UBE2R2: variants seen among roughly 807,000 people sequenced by gnomAD.
UBE2R2 encodes the protein ubiquitin-conjugating enzyme E2 R2.
Under a neutral mutation model 27.8 loss-of-function variants are expected in UBE2R2, and 1 was observed. The ratio of observed to expected loss-of-function variants is 0.04; its 90% CI spans 0.01 to 0.17. The LOEUF (loss-of-function observed/expected upper bound fraction) is 0.17, where lower values mean the gene tolerates loss of function less well. UBE2R2 is among the 10% of genes least tolerant of loss of function. The probability of loss-of-function intolerance (pLI) is 1.00; values close to 1 mark genes in which losing one functional copy is unlikely to be tolerated. For missense variants in UBE2R2, 100 were observed against 291.0 expected (o/e 0.34, Z 4.78); for synonymous variants, 106 against 113.3 (o/e 0.94, Z 0.41).
intron 4 of UBE2R2, among the ~76,000 whole-genome samples, chr9:33,915,202 T>C (rs1050674158): frequency 2.0e-5 from 3 of 151,526 alleles, no homozygotes; most frequent in Admixed American, 6.6e-5. Context: ...GTAATGGGGA[T>C]GAGGGGACAG....
intron 1 of UBE2R2, among the ~76,000 whole-genome samples, chr9:33,819,469 TA>T (rs999635865): frequency 1.3e-5 from 2 of 152,240 alleles, no homozygotes; most frequent in African/African-American, 4.8e-5. Flanking sequence ...CAGCCTACCC[TA>T]TACTTTTCAG....
At chr9:33,835,355 C>T (rs1164420623) in intron 1 of UBE2R2, among the ~76,000 whole-genome samples, 1 of 151,906 alleles carries the variant, frequency 6.6e-6, no homozygotes, top group African/African-American at 2.4e-5. Flanking sequence ...TCATATTGGT[C>T]AGGCTGGTCT....
intron 1 of UBE2R2, among the ~76,000 whole-genome samples, chr9:33,854,359 G>A (rs551910103): frequency 6.6e-5 from 10 of 150,506 alleles, no homozygotes; most frequent in East Asian, 2.0e-4. Context: ...CACTCTTGTC[G>A]TCCAGGCTGG....
intron 1 of UBE2R2, among the ~76,000 whole-genome samples, chr9:33,875,771 G>C (rs1476778808): frequency 6.6e-6 from 1 of 152,160 alleles, no homozygotes; most frequent in Non-Finnish European, 1.5e-5. Context: ...ACAAATAAAA[G>C]ATAGAAAAAT....
At chr9:33,879,805 T>G (rs1821693212) in intron 1 of UBE2R2, among the ~76,000 whole-genome samples, 2 of 150,386 alleles carry the variant, frequency 1.3e-5, no homozygotes, top group South Asian at 4.2e-4. Context: ...GATTTCTGCT[T>G]TTATGTCAGT....
chr9:33,847,753 T>TTTG (rs1428021224), intron 1 of UBE2R2, among the ~76,000 whole-genome samples: 4 of 148,892 alleles, frequency 2.7e-5, no homozygotes, highest in Admixed American at 6.7e-5. Flanking sequence ...TGAAATTTTT[T>TTTG]TTTTTTTTTT....
intron 1 of UBE2R2, among the ~76,000 whole-genome samples, chr9:33,860,988 T>G (rs993693218): frequency 5.4e-5 from 8 of 148,940 alleles, no homozygotes; most frequent in Non-Finnish European, 8.9e-5. Flanking sequence ...AGACGGAGTC[T>G]CGCTCTGTCC....
At chr9:33,869,423 T>TTTTATTTATTTATTTATTTATTTA (rs78245446) in intron 1 of UBE2R2, among the ~76,000 whole-genome samples, 1 of 146,526 alleles carries the variant, frequency 6.8e-6, no homozygotes, top group African/African-American at 2.5e-5. Context: ...ATATACAATG[T>TTTTATTTATTTATTTATTTATTTA]TTTATTTATT....
At position 33,822,081 on chromosome 9, in the gene UBE2R2, C is replaced by CAT. The variant is rs755234865; in HGVS notation, c.177+4162_177+4163dup. Among the ~76,000 whole-genome samples the CAT allele has an allele frequency of 6.2e-3, 922 of 147,998 alleles. 10 individuals carry two copies. Among genetic ancestry groups the CAT allele is most frequent in the African/African-American group, 8.7e-3 (346 of 39,858 alleles). On this transcript the variant is annotated intron_variant, in intron 1 of 4. Coordinates refer to ENST00000263228, the MANE Select transcript of UBE2R2 (RefSeq NM_017811.4). Reference sequence around the variant, plus strand: ...ACATCTTTATTAGACTCAACACTGACATATATATATATATATTTTTTTTTT... The same window carrying CAT: ...ACATCTTTATTAGACTCAACACTGACATATATATATATATATATTTTTTTTTT...
In UBE2R2 at chr9:33,831,282, GAA is replaced by G. The variant is rs549376585; in HGVS notation, c.177+13353_177+13354del. On this transcript the variant is annotated intron_variant, in intron 1 of 4. Transcript: ENST00000263228. Reference sequence around the variant, plus strand: ...GTAGTGAGACCCCCATCTCTACAAAGAAAAAAGAAACAGTGGCTTAAATCTTA... The same window carrying G: ...GTAGTGAGACCCCCATCTCTACAAAGAAAAGAAACAGTGGCTTAAATCTTA... 1.2e-4 allele frequency among the ~76,000 whole-genome samples: 18 copies of G among 151,850 alleles called. No homozygotes were observed. In the East Asian group the frequency reaches 3.3e-3, roughly 28 times the overall value.
chr9:33,911,872 T>C (rs1822500764), intron 3 of UBE2R2, 92 bp from the exon 4 acceptor site: 1 of 1,242,878 alleles, frequency 8.0e-7, no homozygotes, highest in African/African-American at 1.5e-5. Flanking sequence ...GAGGGAGAAT[T>C]TGAAATCTGA....
chr9:33,896,954 T>G (rs79573748), intron 2 of UBE2R2, among the ~76,000 whole-genome samples: 7,535 of 55,924 alleles, frequency 0.13, 283 homozygotes, highest in Non-Finnish European at 0.18. Context: ...GTTTTTTGTG[T>G]TTTTTTTTTG....
intron 3 of UBE2R2, among the ~76,000 whole-genome samples, chr9:33,901,828 ACTTT>A (rs1228825265): frequency 6.6e-6 from 1 of 151,948 alleles, no homozygotes; most frequent in Non-Finnish European, 1.5e-5. Context: ...AAAAAATGTT[ACTTT>A]CTTTCTAAAT....
chr9:33,825,490 C>T (rs775051118), intron 1 of UBE2R2, among the ~76,000 whole-genome samples: 1 of 152,096 alleles, frequency 6.6e-6, no homozygotes, highest in Non-Finnish European at 1.5e-5. Flanking sequence ...ATCCACCCAC[C>T]TCGGCCTCCC....
At chr9:33,834,607 T>C (rs1338854056) in intron 1 of UBE2R2, among the ~76,000 whole-genome samples, 1 of 151,976 alleles carries the variant, frequency 6.6e-6, no homozygotes, top group African/African-American at 2.4e-5. Flanking sequence ...ACCTATTCAT[T>C]ATATAAAAAT....
chr9:33,894,472 T>C lies in UBE2R2; in HGVS notation c.265-5702T>C, dbSNP rs762553579. The stretch of plus-strand genomic sequence containing the variant: ...TTATTTTTGGGGAATGGGGTCTTGC[T>C]CTGTTGCCCAGGCTGGAGTGGCCCA... On this transcript the variant is annotated intron_variant, in intron 2 of 4. Transcript: ENST00000263228. Among the ~76,000 whole-genome samples, 106 of 152,218 alleles carry C rather than the reference T, an allele frequency of 7.0e-4. 1 individual carries two copies. The highest frequency in any genetic ancestry group is 1.2e-3 in the East Asian group (6 of 5,176).
intron 2 of UBE2R2, among the ~76,000 whole-genome samples, chr9:33,889,381 T>C (rs966284382): frequency 1.3e-5 from 2 of 152,262 alleles, no homozygotes; most frequent in East Asian, 3.9e-4. Flanking sequence ...TTTTTTTTTA[T>C]TTTTAGTAGA....
chr9:33,836,863 T>C (rs1820625846), intron 1 of UBE2R2, among the ~76,000 whole-genome samples: 1 of 152,148 alleles, frequency 6.6e-6, no homozygotes, highest in Non-Finnish European at 1.5e-5. Context: ...TGGCTGGGTA[T>C]AGAATTCTAG....
At chr9:33,851,879 A>C (rs983384374) in intron 1 of UBE2R2, among the ~76,000 whole-genome samples, 10 of 152,132 alleles carry the variant, frequency 6.6e-5, no homozygotes, top group Admixed American at 6.5e-4. Context: ...TTACATTGGC[A>C]TAAATAGTAT....
Sources: allele counts gnomAD v4.1 joint callset (sites outside exome capture counted in the v4.1 genomes callset), GRCh38; gene constraint gnomAD v4.1.1; transcripts MANE v1.5; gene names NCBI Gene and HGNC (gene_info 2026-07-23, HGNC 2026-07-21).